SSBP4: variants seen among roughly 807,000 people sequenced by gnomAD.
SSBP4 encodes the protein single stranded DNA binding protein 4, also known as single-stranded DNA-binding protein 4.
A neutral mutation model predicts 64.6 loss-of-function variants in SSBP4; 33 were observed. The ratio of observed to expected loss-of-function variants is 0.51; its 90% CI spans 0.39 to 0.68. The LOEUF (loss-of-function observed/expected upper bound fraction) is 0.68, where lower values mean the gene tolerates loss of function less well. Among genes scored for constraint, SSBP4 ranks in the 30% least tolerant of loss-of-function variants. The probability of loss-of-function intolerance (pLI) is 0.00; values close to 1 mark genes in which losing one functional copy is unlikely to be tolerated. For missense variants in SSBP4, 583 were observed against 566.8 expected, an observed-to-expected ratio of 1.03 and a Z score of -0.29; for synonymous variants, 243 against 224.0, an observed-to-expected ratio of 1.08 and a Z score of -0.76.
the SSBP4 span, among the ~76,000 whole-genome samples, chr19:18,408,271 C>G: frequency 2.0e-5 from 3 of 152,158 alleles, no homozygotes; most frequent in African/African-American, 7.2e-5. Flanking sequence ...CTGTAAATGC[C>G]TCCGCTCCCT....
chr19:18,432,894 G>C lies in SSBP4; in HGVS notation c.841+11G>C. 1 of 1,614,074 alleles carries C rather than the reference G, an allele frequency of 6.2e-7. No individual in the cohort carries two copies. The highest frequency in any genetic ancestry group is 1.1e-5 in the South Asian group (1 of 91,090). ...TGCCTAGCCCTGGAGGTATGGCCTA[G>C]TAAGAGGTGGGGGTGTGCTAGGGTG... On this transcript the variant is annotated intron_variant, in intron 13 of 17. Coordinates refer to ENST00000270061, the MANE Select transcript of SSBP4 (RefSeq NM_032627.5).
chr19:18,406,873 T>C, the SSBP4 span, among the ~76,000 whole-genome samples: 1 of 152,038 alleles, frequency 6.6e-6, no homozygotes, highest in African/African-American at 2.4e-5. Flanking sequence ...AAGGAACGGC[T>C]GGAAGGTGGA....
At position 18,427,375 on chromosome 19, in the gene SSBP4, C is replaced by T. The variant is rs1272919538; in HGVS notation, c.84C>T (p.Tyr28=). 1.2e-6 allele frequency: 2 copies of T among 1,610,972 alleles called. No homozygotes were observed. Among genetic ancestry groups the T allele is most frequent in the East Asian group, 4.5e-5 (2 of 44,862 alleles). The change falls in exon 2 of 18, where the codon TAC becomes TAT. Residue 28 remains tyrosine (Y), a synonymous_variant. Transcript: ENST00000270061. The surrounding 1 kb of genome is among the most constrained non-coding windows in gnomAD (Gnocchi z 4.4). ...GGTTGGCGCTGTACGTTTATGAGTA[C>T]CTGCTGCACATCGGTGCCCAGAAGT... The part of the protein sequence containing the change: ...REKLALYVYE[Y]LLHIGAQKSA...
chr19:18,433,579 C>T lies in SSBP4; in HGVS notation c.992-6C>T. ...AGCCGGTGCCCGTGTCTGTCCGTGT[C>T]TGTAGGCTCGGGCGACATGGACGGG... On this transcript the variant is annotated splice_region_variant and splice_polypyrimidine_tract_variant and intron_variant, in intron 15 of 17. Transcript: ENST00000270061. The T allele has an allele frequency of 6.5e-7, 1 of 1,531,954 alleles. No individual in the cohort carries two copies. Among genetic ancestry groups the T allele is most frequent in the South Asian group, 1.2e-5 (1 of 83,568 alleles). 94.9% of individuals were successfully genotyped at this position (1,531,954 alleles called of 1,614,324 possible). A position where few individuals can be genotyped will look rare whatever the true frequency, so the allele number is the denominator to read the frequency against.
intron 15 of SSBP4, 146 bp from the exon 16 acceptor site, chr19:18,433,439 T>C (rs1600369014): frequency 7.1e-7 from 1 of 1,403,576 alleles, no homozygotes; most frequent in East Asian, 2.5e-5. Context: ...ACCCTCCACC[T>C]GGCCTCAGTC....
At chr19:18,410,894 T>C in the SSBP4 span, among the ~76,000 whole-genome samples, 47 of 152,310 alleles carry the variant, frequency 3.1e-4, no homozygotes, top group East Asian at 7.5e-3. Context: ...TAATCTTTAG[T>C]CCATTTGCTC....
intron 1 of SSBP4, among the ~76,000 whole-genome samples, chr19:18,421,175 TG>T (rs1332296579): frequency 7.2e-5 from 11 of 152,334 alleles, no homozygotes; most frequent in South Asian, 2.1e-4. Context: ...CTGTCCCCTC[TG>T]CCCAGCCTCT....
chr19:18,413,796 C>G, the SSBP4 span, among the ~76,000 whole-genome samples: 1 of 152,200 alleles, frequency 6.6e-6, no homozygotes, highest in Admixed American at 6.5e-5. Flanking sequence ...GCGGGCAGAT[C>G]GCCTGAAGTC....
chr19:18,416,924 C>T (rs1488469274), upstream of SSBP4, among the ~76,000 whole-genome samples: 1 of 152,326 alleles, frequency 6.6e-6, no homozygotes. Flanking sequence ...ACCCAGGGCC[C>T]GCTGCCCTCG....
upstream of SSBP4, among the ~76,000 whole-genome samples, chr19:18,417,209 C>T (rs545339680): frequency 1.4e-4 from 22 of 152,238 alleles, no homozygotes; most frequent in Non-Finnish European, 3.1e-4. The surrounding 1 kb of genome is among the most constrained non-coding windows in gnomAD (Gnocchi z 5.4). Flanking sequence ...CAGCTTTTGA[C>T]TGTCCGCCTC....
At chr19:18,424,758 G>C (rs1021251966) in intron 1 of SSBP4, among the ~76,000 whole-genome samples, 5 of 151,924 alleles carry the variant, frequency 3.3e-5, no homozygotes, top group African/African-American at 7.3e-5. Flanking sequence ...GTGATGTTTG[G>C]GGACAGCTGG....
chr19:18,432,724 G>C lies in SSBP4; in HGVS notation c.775G>C (p.Gly259Arg). 6.3e-7 allele frequency: 1 copy of C among 1,588,866 alleles called. No homozygotes were observed. Among genetic ancestry groups the C allele is most frequent in the Non-Finnish European group, 8.6e-7 (1 of 1,162,930 alleles). ...GATCCCCTACTCCTCCTCATCCCCC[G>C]GCAGCTACACCGTAAGTCTGAGCAA... is the stretch of plus-strand genomic sequence containing the variant. ...NSIPYSSSSP[G>R]SYTGPPGGGG... Residue 259 changes from glycine (G) to arginine (R), a missense_variant, in exon 12 of 18, where the codon GGC becomes CGC. Physicochemically the swap from Gly to Arg is moderately radical, Grantham distance 125 (BLOSUM62 -2). This residue lies in a region of SSBP4 where 444 missense variants were observed against 386.6 expected (regional missense o/e 1.15). Transcript: ENST00000270061.
At position 18,427,398 on chromosome 19, in the gene SSBP4, A is replaced by G; in HGVS notation, c.107A>G (p.Lys36Arg). 1.2e-6 allele frequency: 2 copies of G among 1,610,864 alleles called. No homozygotes were observed. The highest frequency in any genetic ancestry group is 1.1e-5 in the South Asian group (1 of 91,078). Residue 36 changes from lysine to arginine, a missense_variant, in exon 2 of 18, where the codon AAG (lysine) becomes AGG (arginine). By Grantham distance (26) the Lys-to-Arg change is conservative. Coordinates refer to ENST00000270061, the MANE Select transcript of SSBP4 (RefSeq NM_032627.5). This position sits in a 1 kb window ranked among gnomAD's most constrained non-coding sequence, Gnocchi z 4.4. The stretch of plus-strand genomic sequence containing the variant: ...TACCTGCTGCACATCGGTGCCCAGA[A>G]GTCAGCCCAGACCTTCCTGTCTGAG... ...YEYLLHIGAQ[K>R]SAQTFLSEIR...
chr19:18,416,127 G>T (rs1289591260), upstream of SSBP4, among the ~76,000 whole-genome samples: 1 of 152,078 alleles, frequency 6.6e-6, no homozygotes, highest in Non-Finnish European at 1.5e-5. Context: ...CGATTCTCCT[G>T]CCTCAGCCTC....
the SSBP4 span, among the ~76,000 whole-genome samples, chr19:18,403,021 A>G: frequency 3.3e-5 from 5 of 152,246 alleles, no homozygotes; most frequent in Non-Finnish European, 4.4e-5. Context: ...CATTTGTTCA[A>G]TTCTGAGATA....
intron 17 of SSBP4, 107 bp downstream of exon 17, chr19:18,433,924 G>T: frequency 8.0e-6 from 10 of 1,253,416 alleles, no homozygotes; most frequent in Non-Finnish European, 9.0e-6. Context: ...CGTGACCGCG[G>T]CGGGCCAGGT....
chr19:18,433,562 C>T, intron 15 of SSBP4, 23 bp from the exon 16 acceptor site: 4 of 1,547,564 alleles, frequency 2.6e-6, no homozygotes, highest in Non-Finnish European at 3.5e-6. Context: ...TGAGCCGGTG[C>T]CCGTGTCTGT....
upstream of SSBP4, among the ~76,000 whole-genome samples, chr19:18,415,423 C>T (rs757331937): frequency 1.3e-5 from 2 of 152,338 alleles, no homozygotes; most frequent in East Asian, 3.9e-4. Flanking sequence ...TGGGCCCCCC[C>T]ACTGCTGTGT....
At chr19:18,408,638 G>A in the SSBP4 span, among the ~76,000 whole-genome samples, 4 of 151,874 alleles carry the variant, frequency 2.6e-5, no homozygotes, top group Admixed American at 6.6e-5. Flanking sequence ...GATTATAGGC[G>A]CCCGCCATCG....
Sources: gnomAD v4.1 joint callset for allele counts (sites outside exome capture counted in the v4.1 genomes callset) on GRCh38, gnomAD v4.1.1 for gene constraint, gnomAD v4.1.1 regional missense constraint, Gnocchi (gnomAD v3.1) non-coding constraint, MANE v1.5 for transcripts, NCBI Gene and HGNC (gene_info 2026-07-23, HGNC 2026-07-21) for gene names.